Variants in POLR3B observed in about 807,000 individuals in gnomAD.
The protein encoded by POLR3B is RNA polymerase III subunit B.
A neutral mutation model predicts 147.4 loss-of-function variants in POLR3B; 96 were observed. That is an observed-to-expected ratio of 0.65 (90% CI 0.55 to 0.77). The LOEUF (loss-of-function observed/expected upper bound fraction) is 0.77, where lower values mean the gene tolerates loss of function less well. Ranked by LOEUF, POLR3B falls within the 30% of genes least tolerant of loss-of-function variation. The pLI is 0.00. For missense variants in POLR3B, 1,036 were observed against 1,413.5 expected, an observed-to-expected ratio of 0.73 and a Z score of 4.28; for synonymous variants, 461 against 485.9, an observed-to-expected ratio of 0.95 and a Z score of 0.67.
At chr12:106,457,107 G>C (rs1317345456) in intron 20 of POLR3B, 31 bp from the exon 21 acceptor site, 1 of 1,596,402 alleles carries the variant, frequency 6.3e-7, no homozygotes, top group Admixed American at 1.7e-5. Flanking sequence ...GGTTACTGGT[G>C]GTTCTAATGC....
intron 9 of POLR3B, 81 bp from the exon 10 acceptor site, chr12:106,392,950 A>T: frequency 6.3e-7 from 1 of 1,581,848 alleles, no homozygotes; most frequent in Non-Finnish European, 8.7e-7. Flanking sequence ...AATACCCACA[A>T]ACAATGCCAA....
intron 26 of POLR3B, 29 bp downstream of exon 26, chr12:106,501,465 T>C: frequency 7.8e-7 from 1 of 1,278,666 alleles, no homozygotes; most frequent in Non-Finnish European, 1.1e-6. Flanking sequence ...CAAAAAGAAT[T>C]GATAATGCAG....
intron 25 of POLR3B, among the ~76,000 whole-genome samples, chr12:106,498,954 G>A (rs1042837331): frequency 6.6e-6 from 1 of 152,194 alleles, no homozygotes; most frequent in African/African-American, 2.4e-5. Flanking sequence ...CTTGATTTTA[G>A]TGCTGCAAAT....
intron 23 of POLR3B, among the ~76,000 whole-genome samples, chr12:106,469,256 A>C (rs1362685643): frequency 1.4e-5 from 2 of 141,406 alleles, no homozygotes; most frequent in African/African-American, 2.7e-5. Context: ...AGAGACCAGG[A>C]TTGCAACCCC....
chr12:106,381,367 C>T (rs2036761048), intron 9 of POLR3B, among the ~76,000 whole-genome samples: 1 of 152,214 alleles, frequency 6.6e-6, no homozygotes, highest in Non-Finnish European at 1.5e-5. Context: ...AGTCAGTTGT[C>T]TTAAACCCAG....
chr12:106,498,277 T>C (rs2038529523), intron 25 of POLR3B, among the ~76,000 whole-genome samples: 1 of 152,120 alleles, frequency 6.6e-6, no homozygotes, highest in Non-Finnish European at 1.5e-5. Context: ...GAGGCCAGCC[T>C]GGCTGCGGTG....
At chr12:106,392,938 G>T in intron 9 of POLR3B, 93 bp from the exon 10 acceptor site, 1 of 1,526,078 alleles carries the variant, frequency 6.6e-7, no homozygotes, top group Non-Finnish European at 9.0e-7. Flanking sequence ...TTGCTTAGAA[G>T]TAATACCCAC....
intron 10 of POLR3B, among the ~76,000 whole-genome samples, chr12:106,399,383 A>G (rs933849571): frequency 6.6e-6 from 1 of 152,224 alleles, no homozygotes; most frequent in African/African-American, 2.4e-5. Context: ...GGAGAATGGA[A>G]CCAAGTTGGA....
At chr12:106,489,319 T>G (rs1302738376) in intron 23 of POLR3B, among the ~76,000 whole-genome samples, 1 of 152,184 alleles carries the variant, frequency 6.6e-6, no homozygotes, top group South Asian at 2.1e-4. Context: ...CAAAATATAG[T>G]TTTTTCACTT....
Position 106,433,735 on chromosome 12 carries a change from C to T in POLR3B, c.1644C>T (p.Val548=). 1 of 1,613,306 alleles carries T rather than the reference C, an allele frequency of 6.2e-7. No homozygotes were observed. Among genetic ancestry groups the T allele is most frequent in the South Asian group, 1.1e-5 (1 of 91,058 alleles). Residue 548 remains valine (V), a synonymous_variant, in exon 16 of 28, where the codon GTC becomes GTT. Transcript: ENST00000228347. ...TTTGCCTAGGTAACATCTTAGGTGTCATTCGAGACCACAAAAAGCTAGTGA... is the reference window on the plus strand; with the variant it reads ...TTTGCCTAGGTAACATCTTAGGTGTTATTCGAGACCACAAAAAGCTAGTGA... ...LVFLNGNILG[V]IRDHKKLVNT...
At chr12:106,369,730 C>T in intron 6 of POLR3B, 47 bp downstream of exon 6, 1 of 1,173,358 alleles carries the variant, frequency 8.5e-7, no homozygotes, top group South Asian at 1.2e-5. Context: ...GGATTCCAGC[C>T]CCATGATGTG....
intron 12 of POLR3B, among the ~76,000 whole-genome samples, chr12:106,422,305 A>G (rs184827086): frequency 1.1e-4 from 17 of 152,238 alleles, no homozygotes; most frequent in Non-Finnish European, 2.2e-4. Context: ...CTCTGGCCAT[A>G]TAAGACATGC....
At chr12:106,455,567 A>G (rs551852458) in intron 20 of POLR3B, among the ~76,000 whole-genome samples, 4 of 152,322 alleles carry the variant, frequency 2.6e-5, no homozygotes, top group South Asian at 2.1e-4. Context: ...CTGCAACCCA[A>G]TTCAGTGATC....
intron 8 of POLR3B, among the ~76,000 whole-genome samples, chr12:106,378,651 T>TA (rs11351722): frequency 1.3e-4 from 20 of 149,192 alleles, no homozygotes; most frequent in Non-Finnish European, 1.5e-4. Context: ...AAAGGAGATT[T>TA]AAAAAAAAAA....
intron 6 of POLR3B, among the ~76,000 whole-genome samples, chr12:106,370,631 G>GTTTTTTTTT (rs1208633414): frequency 7.9e-6 from 1 of 126,572 alleles, no homozygotes; most frequent in Admixed American, 7.9e-5. Flanking sequence ...TTGTTTTATT[G>GTTTTTTTTT]TTTTTTTTTT....
In POLR3B at chr12:106,433,870, C is replaced by G. The variant is rs1010943249; in HGVS notation, c.1779C>G (p.Cys593Trp). 3 of 1,612,124 alleles carry G rather than the reference C, an allele frequency of 1.9e-6. No individual in the cohort carries two copies. The highest frequency in any genetic ancestry group is 1.7e-6 in the Non-Finnish European group (2 of 1,178,498). The change falls in exon 16 of 28, where the codon TGC becomes TGG. Residue 593 changes from cysteine (C) to tryptophan (W), a missense_variant and splice_region_variant. Cys to Trp is a radical substitution (Grantham distance 215). Coordinates refer to ENST00000228347, the MANE Select transcript of POLR3B (RefSeq NM_018082.6). ...VYISSDGGRL[C>W]RPYIIVKKQK... ...TTTCTTCTGATGGGGGAAGGCTATG[C>G]AGGTATATATGCAGGTTACTAAAAA... is the stretch of plus-strand genomic sequence containing the variant.
chr12:106,422,176 T>C (rs1194229964), intron 12 of POLR3B, among the ~76,000 whole-genome samples: 1 of 152,154 alleles, frequency 6.6e-6, no homozygotes, highest in East Asian at 1.9e-4. Flanking sequence ...GATTGGGTCA[T>C]GGGGGTGGTT....
intron 23 of POLR3B, among the ~76,000 whole-genome samples, chr12:106,481,400 G>A (rs1042752645): frequency 3.3e-5 from 5 of 152,196 alleles, no homozygotes; most frequent in South Asian, 2.1e-4. Context: ...TGGATTGGGC[G>A]GCTTTGACTC....
rs1273697043 is a variant in POLR3B, at chr12:106,437,122, A to G, written c.1847A>G (p.Gln616Arg). The part of the protein sequence containing the change: ...VTNKHMEELA[Q>R]GYRNFEDFLH... ...AATAAACATATGGAAGAGCTGGCCC[A>G]AGGGTACAGGTAAGTAGCCAAAAGT... The change falls in exon 17 of 28, where the codon CAA becomes CGA. Residue 616 changes from glutamine to arginine, a missense_variant. Around this residue, in one of 12 missense-constraint regions of POLR3B, gnomAD observed 177 missense variants for 232.7 expected, o/e 0.76. Coordinates refer to ENST00000228347, the MANE Select transcript of POLR3B (RefSeq NM_018082.6). 2 of 1,612,234 alleles carry G rather than the reference A, an allele frequency of 1.2e-6. No homozygotes were observed. The highest frequency in any genetic ancestry group is 2.2e-5 in the East Asian group (1 of 44,790).
Sources: gnomAD v4.1 joint callset for allele counts (sites outside exome capture counted in the v4.1 genomes callset) on GRCh38, gnomAD v4.1.1 for gene constraint, gnomAD v4.1.1 regional missense constraint, MANE v1.5 for transcripts, NCBI Gene and HGNC (gene_info 2026-07-23, HGNC 2026-07-21) for gene names.